Variants in MYH15 observed in about 807,000 individuals in gnomAD.
MYH15 encodes the protein myosin heavy chain 15, also known as myosin-15.
In MYH15, 227 loss-of-function variants were observed where a neutral mutation model predicts 240.5. The observed-to-expected ratio is 0.94, with a 90% confidence interval of 0.85 to 1.05. The LOEUF is 1.05. Ranked by LOEUF, MYH15 falls within the 50% of genes least tolerant of loss-of-function variation. The probability of loss-of-function intolerance (pLI) is 0.00; values close to 1 mark genes in which losing one functional copy is unlikely to be tolerated. For synonymous variants in MYH15, 785 were observed against 796.7 expected, an observed-to-expected ratio of 0.99 and a Z score of 0.25; for missense variants, 2,217 against 2,247.5, an observed-to-expected ratio of 0.99 and a Z score of 0.27.
chr3:108,476,344 A>C, intron 12 of MYH15, 53 bp downstream of exon 12: 2 of 1,134,864 alleles, frequency 1.8e-6, no homozygotes, highest in South Asian at 2.5e-5. Context: ...TACAATATAT[A>C]TACAATTATT....
In MYH15 at chr3:108,422,207, A is replaced by C. The variant is rs115024692; in HGVS notation, c.3703-993T>G. On this transcript the variant is annotated intron_variant, in intron 27 of 40. Transcript: ENST00000693548. ...TTTTGATGAAACTCATGTATAAATT[A>C]TCTTTTTATTATCTTTTTTTTTTTT... 8.0e-3 allele frequency among the ~76,000 whole-genome samples: 1,164 copies of C among 146,380 alleles called. 13 individuals carry two copies. Among genetic ancestry groups the C allele is most frequent in the African/African-American group, 0.028 (1,103 of 40,068 alleles).
chr3:108,417,913 A>C (rs2082648040), intron 28 of MYH15, among the ~76,000 whole-genome samples: 1 of 152,196 alleles, frequency 6.6e-6, no homozygotes, highest in African/African-American at 2.4e-5. Context: ...ACAATATTTT[A>C]AAAATCATAT....
the MYH15 span, among the ~76,000 whole-genome samples, chr3:108,535,500 C>T: frequency 2.1e-3 from 318 of 152,162 alleles, 1 homozygote; most frequent in African/African-American, 7.6e-3. Context: ...GGCCCCACAT[C>T]CAAATATCAT....
chr3:108,400,843 G>C (rs1361682286), intron 33 of MYH15, among the ~76,000 whole-genome samples: 2 of 152,168 alleles, frequency 1.3e-5, no homozygotes, highest in Admixed American at 6.6e-5. Flanking sequence ...ACGGCCTACA[G>C]GGGGAAGAGA....
chr3:108,433,295 C>T (rs1167887260), intron 25 of MYH15, among the ~76,000 whole-genome samples: 1 of 152,216 alleles, frequency 6.6e-6, no homozygotes, highest in East Asian at 1.9e-4. Context: ...TGTATTTACC[C>T]AGTGCCTGTA....
chr3:108,434,716 A>C (rs2082816793), intron 25 of MYH15, among the ~76,000 whole-genome samples: 1 of 152,176 alleles, frequency 6.6e-6, no homozygotes, highest in African/African-American at 2.4e-5. Flanking sequence ...TTACAAATCA[A>C]ACTATTCATA....
intron 9 of MYH15, among the ~76,000 whole-genome samples, chr3:108,491,068 C>T (rs1403399249): frequency 6.6e-6 from 1 of 151,818 alleles, no homozygotes; most frequent in Admixed American, 6.6e-5. Context: ...TTGTATTTTT[C>T]GTAGAGACTG....
intron 38 of MYH15, 32 bp downstream of exon 38, chr3:108,388,938 C>T: frequency 1.9e-6 from 3 of 1,596,582 alleles, no homozygotes; most frequent in African/African-American, 1.3e-5. Flanking sequence ...TAGTGCCCAG[C>T]CAGACAAACA....
intron 11 of MYH15, among the ~76,000 whole-genome samples, chr3:108,482,356 T>C (rs1385806598): frequency 6.6e-6 from 1 of 152,092 alleles, no homozygotes; most frequent in African/African-American, 2.4e-5. Context: ...TGAGCAGCCC[T>C]AGAGCAATTA....
chr3:108,404,624 T>C (rs954012819), intron 33 of MYH15, among the ~76,000 whole-genome samples: 34 of 152,314 alleles, frequency 2.2e-4, no homozygotes, highest in African/African-American at 7.7e-4. Flanking sequence ...CAGCTTGTTA[T>C]GACAAAGCTA....
the MYH15 span, among the ~76,000 whole-genome samples, chr3:108,535,796 C>T: frequency 7.7e-4 from 117 of 152,180 alleles, no homozygotes; most frequent in African/African-American, 2.8e-3. Context: ...ATAAAACAGG[C>T]CACCCCCCAA....
chr3:108,413,126 T>G (rs1274402686), intron 30 of MYH15, among the ~76,000 whole-genome samples: 1 of 152,210 alleles, frequency 6.6e-6, no homozygotes, highest in East Asian at 1.9e-4. Context: ...ATAGGCAATT[T>G]CACCTGAATT....
intron 14 of MYH15, among the ~76,000 whole-genome samples, chr3:108,469,608 G>A (rs371048218): frequency 6.6e-6 from 1 of 152,218 alleles, no homozygotes; most frequent in Non-Finnish European, 1.5e-5. Context: ...TGGCCTTGAG[G>A]ATTGATGGCA....
chr3:108,408,148 T>C, intron 32 of MYH15, 132 bp downstream of exon 32: 1 of 1,013,368 alleles, frequency 9.9e-7, no homozygotes, highest in Non-Finnish European at 1.4e-6. Flanking sequence ...AATTATGCAT[T>C]TGGCAGAGTG....
intron 35 of MYH15, among the ~76,000 whole-genome samples, chr3:108,395,625 T>G (rs569087547): frequency 7.1e-6 from 1 of 140,744 alleles, no homozygotes; most frequent in East Asian, 2.3e-4. Context: ...AATTTGTTTT[T>G]TTTTTCTTTC....
intron 28 of MYH15, among the ~76,000 whole-genome samples, chr3:108,418,252 T>C (rs1185041593): frequency 6.6e-6 from 1 of 152,200 alleles, no homozygotes; most frequent in Non-Finnish European, 1.5e-5. Flanking sequence ...CAGGAATTCT[T>C]TATGCATACT....
chr3:108,524,852 T>C (rs1283409716), intron 1 of MYH15, among the ~76,000 whole-genome samples: 1 of 152,062 alleles, frequency 6.6e-6, no homozygotes, highest in African/African-American at 2.4e-5. Context: ...GATCTACTGT[T>C]CATGGCTTTC....
chr3:108,537,443 G>C, the MYH15 span, among the ~76,000 whole-genome samples: 1 of 152,158 alleles, frequency 6.6e-6, no homozygotes, highest in South Asian at 2.1e-4. Context: ...AAGAGGGAGG[G>C]CCTTCAGGGT....
Position 108,428,819 on chromosome 3 carries a change from T to TTC in MYH15, c.3373_3374dup (p.Arg1126LysfsTer14). The TTC allele has an allele frequency of 6.2e-7, 1 of 1,614,028 alleles. No individual in the cohort carries two copies. Among genetic ancestry groups the TTC allele is most frequent in the Non-Finnish European group, 8.5e-7 (1 of 1,179,972 alleles). On this transcript the variant is annotated frameshift_variant, in exon 27 of 41. Transcript: ENST00000693548. LOFTEE classifies it high-confidence loss of function. ...CTTGGGTGAGGTCAGCTCTCTCCCT[T>TTC]TCCATCTTGGCTCGAGTGGTCCTTT... is the stretch of plus-strand genomic sequence containing the variant.
Sources: allele counts gnomAD v4.1 joint callset (sites outside exome capture counted in the v4.1 genomes callset), GRCh38; gene constraint gnomAD v4.1.1; transcripts MANE v1.5; gene names NCBI Gene and HGNC (gene_info 2026-07-23, HGNC 2026-07-21).